Variants in CMSS1 observed in about 807,000 individuals in gnomAD.
The protein encoded by CMSS1 is cms1 ribosomal small subunit homolog, also known as protein CMSS1.
A neutral mutation model predicts 43.5 loss-of-function variants in CMSS1; 33 were observed. The ratio of observed to expected loss-of-function variants is 0.76; its 90% CI spans 0.57 to 1.01. CMSS1 has a LOEUF of 1.01. Among genes scored for constraint, CMSS1 ranks in the 50% least tolerant of loss-of-function variants. The pLI is 0.00. For synonymous variants in CMSS1, 115 were observed against 117.2 expected, an observed-to-expected ratio of 0.98 and a Z score of 0.12; for missense variants, 313 against 326.4, an observed-to-expected ratio of 0.96 and a Z score of 0.32.
At chr3:100,156,543 G>C (rs146444554) in intron 2 of CMSS1, among the ~76,000 whole-genome samples, 1 of 151,890 alleles carries the variant, frequency 6.6e-6, no homozygotes, top group Non-Finnish European at 1.5e-5. Context: ...TCCTGACCTC[G>C]TAATCCGCCC....
At chr3:100,083,968 T>C (rs2065969138) in intron 1 of CMSS1, among the ~76,000 whole-genome samples, 1 of 152,224 alleles carries the variant, frequency 6.6e-6, no homozygotes, top group Non-Finnish European at 1.5e-5. Flanking sequence ...TATGCTGAAG[T>C]TGACAGCTGA....
chr3:100,106,641 T>C (rs2066399907), intron 1 of CMSS1, among the ~76,000 whole-genome samples: 1 of 152,164 alleles, frequency 6.6e-6, no homozygotes. Context: ...GGCTGTAGGA[T>C]CCAGAAGCAT....
At chr3:100,075,565 C>CTTTT (rs1218386491) in intron 1 of CMSS1, 2 of 142,228 alleles carry the variant, frequency 1.4e-5, no homozygotes, top group Non-Finnish European at 3.1e-5. Flanking sequence ...TTTTCTTTTT[C>CTTTT]TTTTTTTTTT....
intron 1 of CMSS1, among the ~76,000 whole-genome samples, chr3:99,978,977 A>T (rs1709046034): frequency 6.6e-6 from 1 of 152,112 alleles, no homozygotes; most frequent in African/African-American, 2.4e-5. Context: ...TGGTTAACAG[A>T]TACAAAATTA....
At chr3:100,160,366 C>A in intron 2 of CMSS1, 64 bp from the exon 3 acceptor site, 2 of 796,292 alleles carry the variant, frequency 2.5e-6, no homozygotes, top group South Asian at 3.0e-5. Context: ...CTTTGGGGTT[C>A]ATGCCACTAA....
chr3:99,826,971 A>G (rs1403905298), intron 1 of CMSS1, among the ~76,000 whole-genome samples: 1 of 152,040 alleles, frequency 6.6e-6, no homozygotes, highest in Non-Finnish European at 1.5e-5. Flanking sequence ...TTTTATTTTC[A>G]TTTTTCTTCA....
At chr3:99,929,916 A>G in intron 1 of CMSS1, 7 of 1,613,732 alleles carry the variant, frequency 4.3e-6, no homozygotes, top group South Asian at 1.1e-5. Context: ...CTTGAAAAGC[A>G]TCTCTCTGGA....
At chr3:100,103,583 A>G (rs2066344696) in intron 1 of CMSS1, among the ~76,000 whole-genome samples, 1 of 152,204 alleles carries the variant, frequency 6.6e-6, no homozygotes, top group Admixed American at 6.5e-5. Flanking sequence ...ACCATTCTTC[A>G]TGTTGAGCAA....
intron 1 of CMSS1, among the ~76,000 whole-genome samples, chr3:99,943,393 T>G (rs970387639): frequency 2.0e-5 from 3 of 152,168 alleles, no homozygotes; most frequent in African/African-American, 7.2e-5. Flanking sequence ...TTTTTCATAT[T>G]CCATCTACTT....
intron 1 of CMSS1, among the ~76,000 whole-genome samples, chr3:100,074,650 A>C (rs1210197454): frequency 2.4e-5 from 1 of 41,984 alleles, no homozygotes; most frequent in South Asian, 6.5e-4. Context: ...TTTTAATCTT[A>C]TTTTCTATGC....
At chr3:99,896,954 T>C (rs933575379) in intron 1 of CMSS1, among the ~76,000 whole-genome samples, 3 of 152,206 alleles carry the variant, frequency 2.0e-5, no homozygotes, top group African/African-American at 7.2e-5. Flanking sequence ...GTATTTTCAG[T>C]CGCAAAATTT....
At chr3:99,886,326 A>C (rs1458436406) in intron 1 of CMSS1, among the ~76,000 whole-genome samples, 1 of 151,614 alleles carries the variant, frequency 6.6e-6, no homozygotes, top group Non-Finnish European at 1.5e-5. Context: ...AGGGATGTCC[A>C]ATCTTTTGGC....
chr3:99,825,018 T>G (rs1296087273), intron 1 of CMSS1, among the ~76,000 whole-genome samples: 1 of 152,214 alleles, frequency 6.6e-6, no homozygotes, highest in African/African-American at 2.4e-5. Flanking sequence ...AGTACCCAGG[T>G]TTTTTTGTTC....
intron 6 of CMSS1, among the ~76,000 whole-genome samples, chr3:100,168,221 A>G (rs936198770): frequency 1.3e-5 from 2 of 152,158 alleles, no homozygotes; most frequent in Non-Finnish European, 2.9e-5. Context: ...AGTAAGCACA[A>G]AAGACCCCAA....
At chr3:100,101,806 T>G (rs1340407496) in intron 1 of CMSS1, among the ~76,000 whole-genome samples, 1 of 152,094 alleles carries the variant, frequency 6.6e-6, no homozygotes, top group East Asian at 1.9e-4. Flanking sequence ...GTGTGTGATG[T>G]TCCCCTTCCT....
chr3:99,966,196 G>A (rs1251018009), intron 1 of CMSS1, among the ~76,000 whole-genome samples: 1 of 152,144 alleles, frequency 6.6e-6, no homozygotes, highest in African/African-American at 2.4e-5. Flanking sequence ...TTCTTAACTT[G>A]GGAGGAGTTT....
At chr3:99,924,096 T>A in intron 1 of CMSS1, 2 of 767,408 alleles carry the variant, frequency 2.6e-6, no homozygotes, top group Non-Finnish European at 4.3e-6. Flanking sequence ...AAACATATCC[T>A]TTTCCTCACC....
chr3:100,115,321 C>G (rs1406964654), intron 1 of CMSS1, among the ~76,000 whole-genome samples: 4 of 152,036 alleles, frequency 2.6e-5, no homozygotes, highest in African/African-American at 9.7e-5. Flanking sequence ...AACCAAAGAT[C>G]AGAATAATTT....
At chr3:100,005,393 C>T (rs558366214) in intron 1 of CMSS1, among the ~76,000 whole-genome samples, 1 of 152,078 alleles carries the variant, frequency 6.6e-6, no homozygotes, top group African/African-American at 2.4e-5. Flanking sequence ...TCCCTCTACC[C>T]CCACTGTATA....
Sources: gnomAD v4.1 joint callset for allele counts (sites outside exome capture counted in the v4.1 genomes callset) on GRCh38, gnomAD v4.1.1 for gene constraint, MANE v1.5 for transcripts, NCBI Gene and HGNC (gene_info 2026-07-23, HGNC 2026-07-21) for gene names.